CS: variants seen among roughly 807,000 people sequenced by gnomAD.
CS encodes citrate synthase, mitochondrial.
CS carries 13 observed loss-of-function variants against 61.4 expected under a neutral mutation model. That is an observed-to-expected ratio of 0.21 (90% CI 0.14 to 0.34). The LOEUF (loss-of-function observed/expected upper bound fraction) is 0.34, where lower values mean the gene tolerates loss of function less well. Ranked by LOEUF, CS falls within the 10% of genes least tolerant of loss-of-function variation. CS has a pLI of 1.00. For synonymous variants in CS, 159 were observed against 215.2 expected (o/e 0.74, Z 2.29); for missense variants, 278 against 573.4 (o/e 0.48, Z 5.26).
At chr12:56,275,874 C>T in intron 7 of CS, 122 bp downstream of exon 7, 1 of 853,592 alleles carries the variant, frequency 1.2e-6, no homozygotes, top group Non-Finnish European at 1.9e-6. Context: ...TCCTTTATGC[C>T]ACGTTTCTGT....
In CS at chr12:56,275,017, A is replaced by G. The variant is rs748646178; in HGVS notation, c.903T>C (p.His301=). 19 of 1,614,236 alleles carry G rather than the reference A, an allele frequency of 1.2e-5. No individual in the cohort carries two copies. Among genetic ancestry groups the G allele is most frequent in the South Asian group, 1.1e-4 (10 of 91,088 alleles). The change falls in exon 8 of 11, where the codon CAT becomes CAC. Residue 301 remains histidine, a synonymous_variant. Transcript: ENST00000351328. ...ATAGTCTTACCTGATTTGCCAGTCC[A>G]TGGAGAGGCCCTGCCAGCCCGTTCA... ...AAMNGLAGPL[H]GLANQEVLVW...
intron 1 of CS, among the ~76,000 whole-genome samples, chr12:56,289,666 T>C (rs1274712947): frequency 6.6e-6 from 1 of 151,742 alleles, no homozygotes; most frequent in Non-Finnish European, 1.5e-5. Flanking sequence ...ATGGTCTCGA[T>C]CTCCTGACCT....
chr12:56,273,944 C>T (rs1278163544), intron 9 of CS, 148 bp from the exon 10 acceptor site: 2 of 667,866 alleles, frequency 3.0e-6, no homozygotes, highest in Non-Finnish European at 5.3e-6. Context: ...GGCAATTCTC[C>T]CACTTCAGCC....
At chr12:56,280,122 T>A (rs1872731236) in intron 6 of CS, among the ~76,000 whole-genome samples, 1 of 147,814 alleles carries the variant, frequency 6.8e-6, no homozygotes. Flanking sequence ...TGAAACTCTA[T>A]TAAAAAGACA....
intron 1 of CS, among the ~76,000 whole-genome samples, chr12:56,289,629 A>G (rs985055954): frequency 1.1e-4 from 16 of 151,822 alleles, no homozygotes; most frequent in Admixed American, 1.1e-3. Context: ...ATTTTAGTAG[A>G]GACAGGGTTT....
At chr12:56,292,315 C>T (rs1463006137) in intron 1 of CS, among the ~76,000 whole-genome samples, 16 of 150,840 alleles carry the variant, frequency 1.1e-4, no homozygotes, top group Middle Eastern at 6.8e-3. Flanking sequence ...GGAGAAGCTC[C>T]GGGAGGCAAA....
intron 6 of CS, among the ~76,000 whole-genome samples, chr12:56,278,756 A>G (rs1468744159): frequency 6.6e-6 from 1 of 151,432 alleles, no homozygotes; most frequent in Non-Finnish European, 1.5e-5. Context: ...AAAAGTTGGT[A>G]AATAAAAAGC....
At chr12:56,291,261 G>A in intron 1 of CS, 1 of 1,112,816 alleles carries the variant, frequency 9.0e-7, no homozygotes, top group Non-Finnish European at 1.1e-6. Flanking sequence ...TCCCAGGAAA[G>A]AGGCAGTCAA....
Position 56,276,111 on chromosome 12 carries a change from T to C in CS, c.673A>G (p.Ser225Gly). 1 of 1,614,194 alleles carries C rather than the reference T, an allele frequency of 6.2e-7. No homozygotes were observed. Among genetic ancestry groups the C allele is most frequent in the Non-Finnish European group, 8.5e-7 (1 of 1,180,042 alleles). Residue 225 changes from serine to glycine, a missense_variant, in exon 7 of 11, where the codon AGC (serine) becomes GGC (glycine). Physicochemically the swap from Ser to Gly is moderately conservative, Grantham distance 56 (BLOSUM62 0). Coordinates refer to ENST00000351328, the MANE Select transcript of CS (RefSeq NM_004077.3). ...KIYRNLYREG[S>G]GIGAIDSNLD... ...TTAGAGTCAATGGCCCCAATACCGC[T>C]GCCTTCTCTGTAGAGATTTCGGTAG...
intron 1 of CS, chr12:56,291,105 G>A (rs1040631563): frequency 4.9e-5 from 22 of 445,142 alleles, no homozygotes; most frequent in Non-Finnish European, 8.0e-5. Context: ...CAATTTCAGA[G>A]TAGTTAAGTA....
rs561035397 is a variant in CS, at chr12:56,278,735, A to G, written c.589-2540T>C. Among the ~76,000 whole-genome samples the G allele has an allele frequency of 3.7e-3, 511 of 136,828 alleles. 5 individuals are homozygous for G. The highest frequency in any genetic ancestry group is 0.013 in the African/African-American group (470 of 36,730). The allele number at this position is 136,828 out of a possible 152,430, so 89.8% of individuals were successfully genotyped here. On this transcript the variant is annotated intron_variant, in intron 6 of 10. Transcript: ENST00000351328. Reference sequence around the variant, plus strand: ...CTGAGCGACAGAGACTCTGTCTCGGAAAAAAAAAAAAAAAGTTGGTAAATA... The same window carrying G: ...CTGAGCGACAGAGACTCTGTCTCGGGAAAAAAAAAAAAAAGTTGGTAAATA...
intron 3 of CS, among the ~76,000 whole-genome samples, chr12:56,284,065 A>T (rs1872855689): frequency 6.6e-6 from 1 of 152,050 alleles, no homozygotes; most frequent in African/African-American, 2.4e-5. Flanking sequence ...TGACACCTGT[A>T]ATCCCAGCAC....
rs760231446 is a variant in CS at position 56,273,265 on chromosome 12, G to A, written c.1231-11C>T. The A allele has an allele frequency of 1.4e-5, 22 of 1,612,090 alleles. No homozygotes were observed. The South Asian group carries it at 2.3e-4, about 17-fold the overall frequency. ...CGTCATGCCATAATACTGTAAGGTA[G>A]AAGAGAAAAATATTTCATTTAAGGC... On this transcript the variant is annotated splice_polypyrimidine_tract_variant and intron_variant, in intron 10 of 10. Coordinates refer to ENST00000351328, the MANE Select transcript of CS (RefSeq NM_004077.3).
At chr12:56,286,747 T>A (rs2306693) in intron 1 of CS, 102 bp from the exon 2 acceptor site, 1 of 1,038,660 alleles carries the variant, frequency 9.6e-7, no homozygotes, top group Non-Finnish European at 1.5e-6. Context: ...TTCATCTCAG[T>A]CTCTTAGGGC....
chr12:56,290,118 A>C (rs1397968773), intron 1 of CS, among the ~76,000 whole-genome samples: 1 of 150,402 alleles, frequency 6.6e-6, no homozygotes, highest in Non-Finnish European at 1.5e-5. Context: ...CTGGTCTCAA[A>C]CTCCTGACCT....
chr12:56,288,011 C>T (rs1872996913), intron 1 of CS, among the ~76,000 whole-genome samples: 3 of 152,094 alleles, frequency 2.0e-5, no homozygotes, highest in African/African-American at 4.8e-5. Flanking sequence ...AGGAATACGG[C>T]CTGAGGCAAG....
chr12:56,299,248 G>T (rs1048894262), intron 1 of CS, among the ~76,000 whole-genome samples: 1 of 152,080 alleles, frequency 6.6e-6, no homozygotes, highest in African/African-American at 2.4e-5. Flanking sequence ...AAGTTACTTA[G>T]AACTAAAAGT....
At chr12:56,295,127 T>C (rs1873256044) in intron 1 of CS, among the ~76,000 whole-genome samples, 1 of 151,986 alleles carries the variant, frequency 6.6e-6, no homozygotes, top group South Asian at 2.1e-4. Context: ...AAGGTCTTGC[T>C]ATGTTGCCAG....
chr12:56,293,858 A>G (rs1314902676), intron 1 of CS, among the ~76,000 whole-genome samples: 2 of 152,258 alleles, frequency 1.3e-5, no homozygotes, highest in East Asian at 3.8e-4. Flanking sequence ...GATGGAGCAA[A>G]CACAATACAC....
Sources: allele counts gnomAD v4.1 joint callset (sites outside exome capture counted in the v4.1 genomes callset), GRCh38; gene constraint gnomAD v4.1.1; transcripts MANE v1.5; gene names NCBI Gene and HGNC (gene_info 2026-07-23, HGNC 2026-07-21).